CAMKK1: variants seen among roughly 807,000 people sequenced by gnomAD.
CAMKK1 encodes calcium/calmodulin dependent protein kinase kinase 1, also known as calcium/calmodulin-dependent protein kinase kinase 1.
In CAMKK1, 20 loss-of-function variants were observed where a neutral mutation model predicts 63.5. That is an observed-to-expected ratio of 0.32 (90% CI 0.22 to 0.46). The LOEUF (loss-of-function observed/expected upper bound fraction) is 0.46. Ranked by LOEUF, CAMKK1 falls within the 20% of genes least tolerant of loss-of-function variation. The pLI is 1.00. For missense variants in CAMKK1, 588 were observed against 658.1 expected, an observed-to-expected ratio of 0.89 and a Z score of 1.17; for synonymous variants, 253 against 269.0, an observed-to-expected ratio of 0.94 and a Z score of 0.58.
intron 1 of CAMKK1, among the ~76,000 whole-genome samples, chr17:3,891,774 C>A (rs1331157731): frequency 3.9e-5 from 6 of 152,210 alleles, no homozygotes; most frequent in African/African-American, 1.4e-4. Context: ...TTGCACTGTG[C>A]ATATAGGAGA....
chr17:3,872,401 C>T (rs2054927739), intron 12 of CAMKK1, among the ~76,000 whole-genome samples, 153 bp downstream of exon 12: 1 of 152,154 alleles, frequency 6.6e-6, no homozygotes, highest in African/African-American at 2.4e-5. Flanking sequence ...GAGTCCCTCC[C>T]GTCCATCTAT....
Position 3,890,838 on chromosome 17 carries a change from C to T in CAMKK1, c.-44+2101G>A, listed in dbSNP as rs1320908228. The T allele has an allele frequency of 7.8e-6, 6 of 768,678 alleles. No homozygotes were observed. The highest frequency in any genetic ancestry group is 1.7e-5 in the African/African-American group (1 of 58,918). 47.6% of individuals were successfully genotyped at this position (768,678 alleles called of 1,614,324 possible). A position where few individuals can be genotyped will look rare whatever the true frequency, so the allele number is the denominator to read the frequency against. On this transcript the variant is annotated intron_variant, in intron 1 of 15. Coordinates refer to ENST00000348335, the MANE Select transcript of CAMKK1 (RefSeq NM_032294.3). The surrounding 1 kb of genome is among the most constrained non-coding windows in gnomAD (Gnocchi z 6.5). ...AGCTCAGACATCGCCTCTTCTGAGC[C>T]CTCCTTGATCTCCCCACTACCTGCT... is the stretch of plus-strand genomic sequence containing the variant.
At position 3,862,601 on chromosome 17, in the gene CAMKK1, C is replaced by G. The variant is rs1173038510; in HGVS notation, c.1446-318G>C. Among the ~76,000 whole-genome samples, 3 of 152,174 alleles carry G rather than the reference C, an allele frequency of 2.0e-5. No homozygotes were observed. Among genetic ancestry groups the G allele is most frequent in the African/African-American group, 7.2e-5 (3 of 41,438 alleles). On this transcript the variant is annotated intron_variant, in intron 15 of 15. Coordinates refer to ENST00000348335, the MANE Select transcript of CAMKK1 (RefSeq NM_032294.3). The surrounding 1 kb of genome is among the most constrained non-coding windows in gnomAD (Gnocchi z 4.1). ...CTTCCCTACATCCTCCAACTATCAG[C>G]CTAATCAAGGGCCTTCTCTCTGTGT...
chr17:3,862,518 A>T lies in CAMKK1; in HGVS notation c.1446-235T>A, dbSNP rs551149825. ...CTCCGTGGCCCCCCATTGACCAGAGATGAAGTCTAAACCTCCCAGCACGGC... is the reference window on the plus strand; with the variant it reads ...CTCCGTGGCCCCCCATTGACCAGAGTTGAAGTCTAAACCTCCCAGCACGGC... On this transcript the variant is annotated intron_variant, in intron 15 of 15. Transcript: ENST00000348335. The surrounding 1 kb of genome is among the most constrained non-coding windows in gnomAD (Gnocchi z 4.1). Among the ~76,000 whole-genome samples the T allele has an allele frequency of 1.4e-4, 22 of 152,170 alleles. No homozygotes were observed. Among genetic ancestry groups the T allele is most frequent in the Middle Eastern group, 3.4e-3 (1 of 294 alleles).
rs775148473 is a variant in CAMKK1 at position 3,885,593 on chromosome 17, T to C, written c.95A>G (p.Asp32Gly). 1.2e-6 allele frequency: 2 copies of C among 1,614,124 alleles called. No individual in the cohort carries two copies. Among genetic ancestry groups the C allele is most frequent in the Admixed American group, 3.3e-5 (2 of 60,022 alleles). ...AIDVTHLEEA[D>G]GGPEPTRNGV... The stretch of plus-strand genomic sequence containing the variant: ...GTTTCTAGTAGGCTCTGGGCCACCA[T>C]CTGCCTCCTCCAAGTGAGTCACATC... Residue 32 changes from aspartate (D) to glycine (G), a missense_variant, in exon 2 of 16, where the codon GAT (aspartate) becomes GGT (glycine). This residue lies in a region of CAMKK1 where 357 missense variants were observed against 407.4 expected (regional missense o/e 0.88). Coordinates refer to ENST00000348335, the MANE Select transcript of CAMKK1 (RefSeq NM_032294.3).
At chr17:3,880,630 G>A (rs903293628) in intron 8 of CAMKK1, among the ~76,000 whole-genome samples, 196 bp from the exon 9 acceptor site, 3 of 152,172 alleles carry the variant, frequency 2.0e-5, no homozygotes, top group African/African-American at 7.2e-5. Flanking sequence ...TTTCAAATCA[G>A]CTTTCTCTTA....
intron 12 of CAMKK1, among the ~76,000 whole-genome samples, chr17:3,870,148 G>A (rs925730424): frequency 2.0e-5 from 3 of 152,042 alleles, no homozygotes; most frequent in Non-Finnish European, 4.4e-5. Flanking sequence ...TCGCTTTATG[G>A]GACACCAGAG....
Position 3,882,327 on chromosome 17 carries a change from ATT to A in CAMKK1, c.685+199_685+200del, listed in dbSNP as rs757518609. 2 of 1,613,238 alleles carry A rather than the reference ATT, an allele frequency of 1.2e-6. No individual in the cohort carries two copies. Among genetic ancestry groups the A allele is most frequent in the Non-Finnish European group, 1.7e-6 (2 of 1,179,746 alleles). On this transcript the variant is annotated intron_variant, in intron 7 of 15. Transcript: ENST00000348335. This position sits in a 1 kb window ranked among gnomAD's most constrained non-coding sequence, Gnocchi z 4.3. ...GAAGCAGGGAGTGGGGCTTGGCGAT[ATT>A]TGTTGAATCTAACTGGATATTCTGG...
In CAMKK1 at chr17:3,882,113, T is replaced by C. The variant is rs1394066703; in HGVS notation, c.685+415A>G. On this transcript the variant is annotated intron_variant, in intron 7 of 15. Coordinates refer to ENST00000348335, the MANE Select transcript of CAMKK1 (RefSeq NM_032294.3). This position sits in a 1 kb window ranked among gnomAD's most constrained non-coding sequence, Gnocchi z 4.3. ...TACTATTAACAAGGATAATAACGAA[T>C]GTGCTTTACATATAATTACTCATTT... The C allele has an allele frequency of 3.3e-6, 2 of 599,818 alleles. No homozygotes were observed. The highest frequency in any genetic ancestry group is 5.9e-6 in the Non-Finnish European group (2 of 338,398). 37.2% of individuals were successfully genotyped at this position (599,818 alleles called of 1,614,324 possible).
Position 3,882,443 on chromosome 17 carries a change from G to A in CAMKK1, c.685+85C>T, listed in dbSNP as rs1025662553. 39 of 1,580,050 alleles carry A rather than the reference G, an allele frequency of 2.5e-5. No homozygotes were observed. In the African/African-American group the frequency reaches 3.5e-4, roughly 14 times the overall value. ...CCCAGGAGGTCAGTGCATTTACACCGCCCACCTGAAGGTCATACATGTCCC... is the reference window on the plus strand; with the variant it reads ...CCCAGGAGGTCAGTGCATTTACACCACCCACCTGAAGGTCATACATGTCCC... On this transcript the variant is annotated intron_variant, in intron 7 of 15. Coordinates refer to ENST00000348335, the MANE Select transcript of CAMKK1 (RefSeq NM_032294.3). The surrounding 1 kb of genome is among the most constrained non-coding windows in gnomAD (Gnocchi z 4.3).
Position 3,862,344 on chromosome 17 carries a change from ACT to A in CAMKK1, c.1446-63_1446-62del, listed in dbSNP as rs2054357883. ...GGTCAGAATATGCACTCAGGGAGAC[ACT>A]CTCCCTCACACACACAGGAATCTGA... On this transcript the variant is annotated intron_variant, in intron 15 of 15. Coordinates refer to ENST00000348335, the MANE Select transcript of CAMKK1 (RefSeq NM_032294.3). The surrounding 1 kb of genome is among the most constrained non-coding windows in gnomAD (Gnocchi z 4.1). 6 of 1,233,236 alleles carry A rather than the reference ACT, an allele frequency of 4.9e-6. No individual in the cohort carries two copies. The Admixed American group carries it at 6.0e-5, about 12-fold the overall frequency. The allele number at this position is 1,233,236 out of a possible 1,614,324, so 76.4% of individuals were successfully genotyped here. A position where few individuals can be genotyped will look rare whatever the true frequency, so the allele number is the denominator to read the frequency against.
At position 3,861,997 on chromosome 17, in the gene CAMKK1, G is replaced by C. The variant is rs762430249; in HGVS notation, c.*214C>G. The C allele has an allele frequency of 1.0e-5, 6 of 584,872 alleles. No homozygotes were observed. Among genetic ancestry groups the C allele is most frequent in the African/African-American group, 7.5e-5 (4 of 53,500 alleles). 36.2% of individuals were successfully genotyped at this position (584,872 alleles called of 1,614,324 possible). A position where few individuals can be genotyped will look rare whatever the true frequency, so the allele number is the denominator to read the frequency against. On this transcript the variant is annotated 3_prime_UTR_variant, in exon 16 of 16. Coordinates refer to ENST00000348335, the MANE Select transcript of CAMKK1 (RefSeq NM_032294.3). ...GGTCCAAGAAGAGGAGGATGGCCTC[G>C]TGGGAGCCCTGCCCCCAAGACCCCA...
intron 13 of CAMKK1, 68 bp from the exon 14 acceptor site, chr17:3,869,683 C>T: frequency 6.2e-7 from 1 of 1,610,860 alleles, no homozygotes; most frequent in Non-Finnish European, 8.5e-7. Context: ...CTGGAGGGGT[C>T]CAAAGTCCAC....
Position 3,882,189 on chromosome 17 carries a change from T to C in CAMKK1, c.685+339A>G, listed in dbSNP as rs1597479476. On this transcript the variant is annotated intron_variant, in intron 7 of 15. Coordinates refer to ENST00000348335, the MANE Select transcript of CAMKK1 (RefSeq NM_032294.3). This position sits in a 1 kb window ranked among gnomAD's most constrained non-coding sequence, Gnocchi z 4.3. ...AGACACCACTAGTATCCCTGTTTTA[T>C]AGGTGGGAAAACTGAGGCACAGAGC... is the stretch of plus-strand genomic sequence containing the variant. The C allele has an allele frequency of 9.0e-6, 10 of 1,106,726 alleles. No individual in the cohort carries two copies. In the East Asian group the frequency reaches 9.5e-5, roughly 10 times the overall value. The allele number at this position is 1,106,726 out of a possible 1,614,324, so 68.6% of individuals were successfully genotyped here.
chr17:3,884,285 T>G lies in CAMKK1; in HGVS notation c.408+95A>C. ...CCTCACCTCCAGGCTAGGACTTGCC[T>G]GGCTCTGCCTCCCGTTCCCTCCCAC... On this transcript the variant is annotated intron_variant, in intron 3 of 15. Coordinates refer to ENST00000348335, the MANE Select transcript of CAMKK1 (RefSeq NM_032294.3). This position sits in a 1 kb window ranked among gnomAD's most constrained non-coding sequence, Gnocchi z 4.5. 7.2e-7 allele frequency: 1 copy of G among 1,387,994 alleles called. No individual in the cohort carries two copies. 86.0% of individuals were successfully genotyped at this position (1,387,994 alleles called of 1,614,324 possible).
chr17:3,871,338 T>TTTTTTTTG (rs2054844977), intron 12 of CAMKK1, among the ~76,000 whole-genome samples: 1 of 79,760 alleles, frequency 1.3e-5, no homozygotes. Context: ...TTTTTGTTTT[T>TTTTTTTTG]TTTTTTTTGT....
Position 3,882,760 on chromosome 17 carries a change from C to T in CAMKK1, c.649-196G>A, listed in dbSNP as rs970219802. Among the ~76,000 whole-genome samples, 1 of 152,180 alleles carries T rather than the reference C, an allele frequency of 6.6e-6. No homozygotes were observed. The highest frequency in any genetic ancestry group is 2.4e-5 in the African/African-American group (1 of 41,442). ...CCGACCCCCAACCTGGCCCGCCACA[C>T]GACATCCAGCCTTCCTCCCCTCCAG... On this transcript the variant is annotated intron_variant, in intron 6 of 15. Transcript: ENST00000348335. This position sits in a 1 kb window ranked among gnomAD's most constrained non-coding sequence, Gnocchi z 4.3.
At chr17:3,869,722 G>A in intron 13 of CAMKK1, 79 bp downstream of exon 13, 4 of 1,590,850 alleles carry the variant, frequency 2.5e-6, no homozygotes, top group East Asian at 2.2e-5. Flanking sequence ...CATGCATCCT[G>A]GTGTTGATCC....
chr17:3,864,536 G>A (rs1397253193), intron 15 of CAMKK1, among the ~76,000 whole-genome samples: 2 of 151,948 alleles, frequency 1.3e-5, no homozygotes, highest in African/African-American at 4.9e-5. Context: ...GTGAGCCACC[G>A]CACCCGGCCG....
Sources: gnomAD v4.1 joint callset for allele counts (sites outside exome capture counted in the v4.1 genomes callset) on GRCh38, gnomAD v4.1.1 for gene constraint, gnomAD v4.1.1 regional missense constraint, Gnocchi (gnomAD v3.1) non-coding constraint, MANE v1.5 for transcripts, NCBI Gene and HGNC (gene_info 2026-07-23, HGNC 2026-07-21) for gene names.